MGAT5: variants seen among roughly 807,000 people sequenced by gnomAD.
MGAT5 encodes the protein alpha-1,6-mannosylglycoprotein 6-beta-N-acetylglucosaminyltransferase A.
MGAT5 carries 30 observed loss-of-function variants against 94.3 expected under a neutral mutation model. The observed-to-expected ratio is 0.32, with a 90% CI of 0.24 to 0.43. The LOEUF is 0.43. Among genes scored for constraint, MGAT5 ranks in the 20% least tolerant of loss-of-function variants. The probability of loss-of-function intolerance (pLI) is 1.00; values close to 1 mark genes in which losing one functional copy is unlikely to be tolerated. For synonymous variants in MGAT5, 310 were observed against 322.9 expected (o/e 0.96, Z 0.43); for missense variants, 691 against 905.5 (o/e 0.76, Z 3.04).
At chr2:134,442,017 G>A in intron 15 of MGAT5, 102 bp downstream of exon 15, 2 of 1,338,172 alleles carry the variant, frequency 1.5e-6, no homozygotes, top group Non-Finnish European at 2.1e-6. Flanking sequence ...CAAGCTACTG[G>A]GCTGTGGGGA....
intron 9 of MGAT5, among the ~76,000 whole-genome samples, chr2:134,359,270 T>TC (rs922419589): frequency 6.6e-6 from 1 of 152,248 alleles, no homozygotes; most frequent in African/African-American, 2.4e-5. Flanking sequence ...CCACTGCTGT[T>TC]CACAGGGTCC....
chr2:134,373,112 A>G (rs1031607417), intron 10 of MGAT5, among the ~76,000 whole-genome samples: 5 of 152,168 alleles, frequency 3.3e-5, no homozygotes, highest in Non-Finnish European at 5.9e-5. Flanking sequence ...GGCAGCCGAT[A>G]TGGGAGCTGC....
At chr2:134,271,728 A>G (rs1268364068) in intron 2 of MGAT5, among the ~76,000 whole-genome samples, 1 of 152,252 alleles carries the variant, frequency 6.6e-6, no homozygotes, top group Non-Finnish European at 1.5e-5. Context: ...AAAGGTATTA[A>G]AAATAACTTT....
At chr2:134,355,491 G>A (rs1679676515) in intron 9 of MGAT5, among the ~76,000 whole-genome samples, 1 of 152,134 alleles carries the variant, frequency 6.6e-6, no homozygotes, top group African/African-American at 2.4e-5. Context: ...TTTTATGGTT[G>A]CCAGGTACCT....
chr2:134,192,042 G>A (rs1374069453), intron 1 of MGAT5, among the ~76,000 whole-genome samples: 1 of 142,694 alleles, frequency 7.0e-6, no homozygotes, highest in African/African-American at 2.6e-5. Flanking sequence ...TGAAGGGTGG[G>A]TTCGCGCCTT....
At chr2:134,287,642 A>G (rs555698594) in intron 2 of MGAT5, among the ~76,000 whole-genome samples, 1 of 152,356 alleles carries the variant, frequency 6.6e-6, no homozygotes, top group Admixed American at 6.5e-5. Flanking sequence ...CCTTCTGCCC[A>G]GGGGCTGCCA....
At chr2:134,154,215 C>T (rs969500114) in intron 1 of MGAT5, among the ~76,000 whole-genome samples, 7 of 152,222 alleles carry the variant, frequency 4.6e-5, no homozygotes, top group South Asian at 2.1e-4. Context: ...ACGGATGGCA[C>T]GCAGGAAAGA....
At chr2:134,435,296 C>G (rs1685110756) in intron 14 of MGAT5, among the ~76,000 whole-genome samples, 1 of 152,174 alleles carries the variant, frequency 6.6e-6, no homozygotes, top group Non-Finnish European at 1.5e-5. Context: ...GCCTGCTCCC[C>G]CTGGAATGTA....
At chr2:134,301,223 A>G (rs1246076463) in intron 2 of MGAT5, among the ~76,000 whole-genome samples, 1 of 152,178 alleles carries the variant, frequency 6.6e-6, no homozygotes, top group African/African-American at 2.4e-5. Context: ...AAAAAATCGC[A>G]GAGCAGTACT....
chr2:134,152,001 C>T (rs1048191792), intron 1 of MGAT5, among the ~76,000 whole-genome samples: 3 of 146,556 alleles, frequency 2.0e-5, no homozygotes, highest in African/African-American at 7.6e-5. Flanking sequence ...ACCTCACTCA[C>T]TCATGCCCTA....
chr2:134,213,623 A>G (rs1680317193), intron 1 of MGAT5, among the ~76,000 whole-genome samples: 1 of 152,200 alleles, frequency 6.6e-6, no homozygotes, highest in East Asian at 1.9e-4. Flanking sequence ...TTGGCTGTAT[A>G]TTGAGGGGTT....
Position 134,254,628 on chromosome 2 carries a change from AGTCAT to A in MGAT5, c.227_231del (p.Val76AspfsTer4). The A allele has an allele frequency of 6.2e-7, 1 of 1,614,214 alleles. No individual in the cohort carries two copies. The highest frequency in any genetic ancestry group is 8.5e-7 in the Non-Finnish European group (1 of 1,180,028). On this transcript the variant is annotated frameshift_variant, in exon 1 of 16. Coordinates refer to ENST00000281923, the MANE Select transcript of MGAT5 (RefSeq NM_002410.5). LOFTEE classifies it high-confidence loss of function. Reference sequence around the variant, plus strand: ...ATGTGGTGGATGGGCCATACGCTGGAGTCATGACAGCTTATGGTAAGCACTGTTTC... The same window carrying A: ...ATGTGGTGGATGGGCCATACGCTGGAGACAGCTTATGGTAAGCACTGTTTC...
chr2:134,220,767 C>T (rs1452624398), intron 1 of MGAT5, among the ~76,000 whole-genome samples: 1 of 152,118 alleles, frequency 6.6e-6, no homozygotes, highest in Non-Finnish European at 1.5e-5. Flanking sequence ...GTCCAGGGAA[C>T]TTCCTTTTTT....
intron 1 of MGAT5, among the ~76,000 whole-genome samples, chr2:134,166,819 A>G (rs1687983080): frequency 6.6e-6 from 1 of 152,198 alleles, no homozygotes; most frequent in African/African-American, 2.4e-5. Context: ...AGATGAGGTC[A>G]CCTCAGGACC....
At chr2:134,275,241 A>G (rs1291310417) in intron 2 of MGAT5, among the ~76,000 whole-genome samples, 1 of 152,190 alleles carries the variant, frequency 6.6e-6, no homozygotes, top group African/African-American at 2.4e-5. Flanking sequence ...GCTTCCTATT[A>G]AGTTGAGCAA....
At chr2:134,179,578 A>G (rs1216471179) in intron 1 of MGAT5, among the ~76,000 whole-genome samples, 1 of 152,226 alleles carries the variant, frequency 6.6e-6, no homozygotes, top group South Asian at 2.1e-4. Context: ...ATCAGCTTAT[A>G]GAGACTGAGG....
intron 10 of MGAT5, among the ~76,000 whole-genome samples, chr2:134,377,687 G>A (rs1681269439): frequency 6.6e-6 from 1 of 152,196 alleles, no homozygotes; most frequent in Non-Finnish European, 1.5e-5. Context: ...GATAGTTTAT[G>A]TCTTCCCAGG....
chr2:134,209,167 T>A lies in MGAT5; in HGVS notation c.-142-45095T>A, dbSNP rs1680182276. Among the ~76,000 whole-genome samples, 8 of 21,078 alleles carry A rather than the reference T, an allele frequency of 3.8e-4. 3 individuals carry two copies. The highest frequency in any genetic ancestry group is 5.3e-4 in the Non-Finnish European group (8 of 15,218). 13.8% of individuals were successfully genotyped at this position (21,078 alleles called of 152,430 possible). A position where few individuals can be genotyped will look rare whatever the true frequency, so the allele number is the denominator to read the frequency against. On this transcript the variant is annotated intron_variant, in intron 1 of 16. Coordinates refer to the MGAT5 transcript ENST00000409645. Reference sequence around the variant, plus strand: ...TTTTTTTTTTATTTTTTTTTTTTTTTTTATTTTTTTTTTTATTTTTTAATT... The same window carrying A: ...TTTTTTTTTTATTTTTTTTTTTTTTATTATTTTTTTTTTTATTTTTTAATT...
intron 2 of MGAT5, among the ~76,000 whole-genome samples, chr2:134,302,724 G>A (rs1241772632): frequency 4.4e-5 from 2 of 45,456 alleles, no homozygotes; most frequent in African/African-American, 6.6e-5. Context: ...TGCTGTGTGT[G>A]TGTGTGTGTG....
Sources: gnomAD v4.1 joint callset for allele counts (sites outside exome capture counted in the v4.1 genomes callset) on GRCh38, gnomAD v4.1.1 for gene constraint, MANE v1.5 for transcripts, NCBI Gene and HGNC (gene_info 2026-07-23, HGNC 2026-07-21) for gene names.